The following ARNT2 variants were observed in gnomAD, a reference collection of about 807,000 sequenced individuals.
The protein encoded by ARNT2 is ARNT protein 2.
ARNT2 carries 36 observed loss-of-function variants against 91.7 expected under a neutral mutation model. That is an observed-to-expected ratio of 0.39 (90% CI 0.30 to 0.52). ARNT2 has a LOEUF of 0.52. Among genes scored for constraint, ARNT2 ranks in the 20% least tolerant of loss-of-function variants. The pLI is 0.72. For synonymous variants in ARNT2, 365 were observed against 347.1 expected (o/e 1.05, Z -0.57); for missense variants, 775 against 939.3 (o/e 0.83, Z 2.29).
intron 14 of ARNT2, among the ~76,000 whole-genome samples, chr15:80,576,282 A>ATT (rs71153540): frequency 1.1e-3 from 162 of 149,938 alleles, no homozygotes; most frequent in African/African-American, 3.7e-3. Context: ...ACTCTCATTA[A>ATT]TTTTTTTTTT....
chr15:80,544,500 G>A (rs1032168215), intron 8 of ARNT2, among the ~76,000 whole-genome samples: 1 of 152,120 alleles, frequency 6.6e-6, no homozygotes, highest in Non-Finnish European at 1.5e-5. Context: ...TGACAAGAAG[G>A]TAAATCTGAT....
At chr15:80,442,904 A>G (rs938298616) in intron 1 of ARNT2, 105 of 985,322 alleles carry the variant, frequency 1.1e-4, no homozygotes, top group Non-Finnish European at 1.2e-4. Flanking sequence ...CCGACACACT[A>G]TTTTGAGGCA....
chr15:80,470,351 G>A lies in ARNT2; in HGVS notation c.328G>A (p.Val110Ile), dbSNP rs773404793. The change falls in exon 4 of 19, where the codon GTC (valine) becomes ATC (isoleucine). Residue 110 changes from valine (V) to isoleucine (I), a missense_variant. This residue lies in a region of ARNT2 where 83 missense variants were observed against 149.4 expected (regional missense o/e 0.56). Transcript: ENST00000303329. The part of the protein sequence containing the change: ...PDKLTILRMA[V>I]SHMKSMRGTG... ...CAAGCTCACCATCCTCCGCATGGCC[G>A]TCTCGCACATGAAGTCCATGAGGGG... is the stretch of plus-strand genomic sequence containing the variant. 5 of 1,614,054 alleles carry A rather than the reference G, an allele frequency of 3.1e-6. No homozygotes were observed. The highest frequency in any genetic ancestry group is 1.1e-5 in the South Asian group (1 of 91,088).
At chr15:80,523,484 CAGGA>C (rs1897586694) in intron 8 of ARNT2, among the ~76,000 whole-genome samples, 1 of 152,172 alleles carries the variant, frequency 6.6e-6, no homozygotes, top group African/African-American at 2.4e-5. Context: ...CATAATACTG[CAGGA>C]TTGGTACTGA....
At chr15:80,461,918 T>G (rs1485452886) in intron 3 of ARNT2, among the ~76,000 whole-genome samples, 2 of 152,160 alleles carry the variant, frequency 1.3e-5, no homozygotes, top group Non-Finnish European at 2.9e-5. Context: ...CAGCAGGTGG[T>G]GATAAACCCT....
chr15:80,583,516 A>G (rs1196431114), intron 17 of ARNT2, among the ~76,000 whole-genome samples: 3 of 152,184 alleles, frequency 2.0e-5, no homozygotes, highest in African/African-American at 7.2e-5. Context: ...GGGTTTTTAC[A>G]TTTGCCTTTG....
rs752949105 is a variant in ARNT2 at position 80,487,522 on chromosome 15, G to A, written c.622+12299G>A. Among the ~76,000 whole-genome samples, 49 of 152,198 alleles carry A rather than the reference G, an allele frequency of 3.2e-4. 1 individual carries two copies. Among genetic ancestry groups the A allele is most frequent in the Non-Finnish European group, 5.9e-4 (40 of 68,038 alleles). Reference sequence around the variant, plus strand: ...TTGAGAAGTTTGGCCCCCAGCTCAGGACATAGTCTGTGACTGACACCTGGC... The same window carrying A: ...TTGAGAAGTTTGGCCCCCAGCTCAGAACATAGTCTGTGACTGACACCTGGC... On this transcript the variant is annotated intron_variant, in intron 5 of 18. Coordinates refer to ENST00000303329, the MANE Select transcript of ARNT2 (RefSeq NM_014862.4).
chr15:80,489,135 G>T (rs997680981), intron 5 of ARNT2, among the ~76,000 whole-genome samples: 2 of 152,062 alleles, frequency 1.3e-5, no homozygotes, highest in African/African-American at 4.8e-5. Context: ...GTAATACTTT[G>T]GTTAAAAATA....
chr15:80,471,714 G>A (rs1200959527), intron 4 of ARNT2, among the ~76,000 whole-genome samples: 1 of 152,116 alleles, frequency 6.6e-6, no homozygotes, highest in Non-Finnish European at 1.5e-5. Flanking sequence ...CTGTTTTATT[G>A]ATGAGGAAGC....
At chr15:80,422,961 AT>A (rs1895880448) in intron 1 of ARNT2, among the ~76,000 whole-genome samples, 1 of 152,234 alleles carries the variant, frequency 6.6e-6, no homozygotes, top group African/African-American at 2.4e-5. Flanking sequence ...CAGAATAAAA[AT>A]TTTAAAAAGA....
At chr15:80,504,556 C>T (rs1388991872) in intron 5 of ARNT2, among the ~76,000 whole-genome samples, 3 of 151,990 alleles carry the variant, frequency 2.0e-5, no homozygotes, top group African/African-American at 7.2e-5. Context: ...ATGCTTCAGC[C>T]CAGGAGTTCA....
rs1305935237 is a variant in ARNT2, at chr15:80,575,108, C to T, written c.1511C>T (p.Ala504Val). The T allele has an allele frequency of 6.2e-7, 1 of 1,613,906 alleles. No homozygotes were observed. Among genetic ancestry groups the T allele is most frequent in the Non-Finnish European group, 8.5e-7 (1 of 1,179,926 alleles). The change falls in exon 14 of 19, where the codon GCA becomes GTA. Residue 504 changes from alanine (A) to valine (V), a missense_variant and splice_region_variant. Ala to Val is a moderately conservative substitution (Grantham distance 64, BLOSUM62 0). This residue lies in a region of ARNT2 where 325 missense variants were observed against 359.9 expected (regional missense o/e 0.90). Transcript: ENST00000303329. ...GCTGAAATGTTTGCAGGAATTAGTG[C>T]ATGTAAGTTTCCAAATGGTACTGAG... ...RFAEMFAGISASEKKMMSSAS... is the reference protein window; with the variant it reads ...RFAEMFAGISVSEKKMMSSAS...
chr15:80,524,424 G>C (rs1284913947), intron 8 of ARNT2, among the ~76,000 whole-genome samples: 2 of 152,164 alleles, frequency 1.3e-5, no homozygotes, highest in African/African-American at 2.4e-5. Context: ...GAATTAATCA[G>C]AGATGTGTGC....
chr15:80,451,697 T>C (rs141340938), intron 2 of ARNT2, among the ~76,000 whole-genome samples: 35 of 143,024 alleles, frequency 2.4e-4, no homozygotes, highest in African/African-American at 8.4e-4. Context: ...AACCAACCAA[T>C]CAACCAACTA....
At chr15:80,434,703 G>T (rs1208238156) in intron 1 of ARNT2, among the ~76,000 whole-genome samples, 1 of 152,054 alleles carries the variant, frequency 6.6e-6, no homozygotes, top group African/African-American at 2.4e-5. Flanking sequence ...AGAGGGGACA[G>T]GTAGACCGGG....
intron 1 of ARNT2, among the ~76,000 whole-genome samples, chr15:80,410,369 T>C (rs768732839): frequency 3.3e-5 from 5 of 152,094 alleles, no homozygotes; most frequent in South Asian, 2.1e-4. Flanking sequence ...GTCCAACACC[T>C]GGGTGGTTGG....
chr15:80,526,500 G>A (rs1897642705), intron 8 of ARNT2, among the ~76,000 whole-genome samples: 7 of 152,208 alleles, frequency 4.6e-5, no homozygotes, highest in Admixed American at 4.6e-4. Context: ...CGACCTGCCT[G>A]GTTCCTCACC....
intron 8 of ARNT2, among the ~76,000 whole-genome samples, chr15:80,526,736 G>T (rs1308909493): frequency 6.6e-6 from 1 of 152,188 alleles, no homozygotes; most frequent in African/African-American, 2.4e-5. Flanking sequence ...GCATGCCAGA[G>T]GCCTGAGGTT....
At chr15:80,475,290 C>T (rs1254586438) in intron 5 of ARNT2, 67 bp downstream of exon 5, 3 of 1,534,244 alleles carry the variant, frequency 2.0e-6, no homozygotes, top group Middle Eastern at 2.3e-4. Context: ...CATGGTGGCT[C>T]ACGCCTGTAA....
Sources: allele counts gnomAD v4.1 joint callset (sites outside exome capture counted in the v4.1 genomes callset), GRCh38; gene constraint gnomAD v4.1.1; regional missense constraint gnomAD v4.1.1; transcripts MANE v1.5; gene names NCBI Gene and HGNC (gene_info 2026-07-23, HGNC 2026-07-21).